PREX2: variants seen among roughly 807,000 people sequenced by gnomAD.
The protein encoded by PREX2 is phosphatidylinositol-3,4,5-trisphosphate dependent Rac exchange factor 2.
A neutral mutation model predicts 203.2 loss-of-function variants in PREX2; 107 were observed. The ratio of observed to expected loss-of-function variants is 0.53; its 90% CI spans 0.45 to 0.62. The LOEUF (loss-of-function observed/expected upper bound fraction) is 0.62. PREX2 is among the 20% of genes least tolerant of loss of function. The pLI is 0.00. For synonymous variants in PREX2, 672 were observed against 663.6 expected (o/e 1.01, Z -0.19); for missense variants, 1,777 against 1,955.9 (o/e 0.91, Z 1.72).
chr8:68,156,017 G>A (rs1294971014), intron 34 of PREX2, among the ~76,000 whole-genome samples: 5 of 151,904 alleles, frequency 3.3e-5, no homozygotes, highest in African/African-American at 1.2e-4. Flanking sequence ...AATATGCATG[G>A]GGAGTGAAAA....
At chr8:67,979,763 T>C (rs1448322734) in intron 1 of PREX2, among the ~76,000 whole-genome samples, 1 of 152,256 alleles carries the variant, frequency 6.6e-6, no homozygotes, top group African/African-American at 2.4e-5. Flanking sequence ...CTTCTTTAGT[T>C]ACTAGCATGC....
chr8:68,064,469 A>C (rs1808956057), intron 11 of PREX2, among the ~76,000 whole-genome samples: 1 of 152,036 alleles, frequency 6.6e-6, no homozygotes, highest in Non-Finnish European at 1.5e-5. Context: ...CCTGGGCTCA[A>C]GCGATCCTCC....
chr8:68,172,479 T>G (rs1811898478), intron 35 of PREX2, among the ~76,000 whole-genome samples: 1 of 152,208 alleles, frequency 6.6e-6, no homozygotes, highest in African/African-American at 2.4e-5. Flanking sequence ...TGATAAATAT[T>G]AAACAAAATT....
At chr8:68,141,649 C>A (rs187975946) in intron 33 of PREX2, among the ~76,000 whole-genome samples, 4 of 152,084 alleles carry the variant, frequency 2.6e-5, no homozygotes, top group Admixed American at 6.5e-5. Flanking sequence ...AAGACCCAAC[C>A]CTGCAGAAAG....
chr8:68,204,576 C>A (rs1017232617), intron 37 of PREX2, among the ~76,000 whole-genome samples: 1 of 152,016 alleles, frequency 6.6e-6, no homozygotes, highest in Non-Finnish European at 1.5e-5. Flanking sequence ...CAGATCTTAC[C>A]CAGCTGTTAC....
At chr8:68,102,527 G>A (rs1260136071) in intron 23 of PREX2, among the ~76,000 whole-genome samples, 2 of 152,196 alleles carry the variant, frequency 1.3e-5, no homozygotes, top group Non-Finnish European at 1.5e-5. Flanking sequence ...CTCCATTTAT[G>A]TATCAAATGC....
rs762698089 is a variant in PREX2 at position 68,108,335 on chromosome 8, T to C, written c.2938+4T>C. ...GAAAACAAATCTTCGGAGCAAGGTA[T>C]GCTAGCTTTTGCAACTTTATCAAAT... On this transcript the variant is annotated splice_donor_region_variant and intron_variant, in intron 24 of 39. Transcript: ENST00000288368. 44 of 1,603,476 alleles carry C rather than the reference T, an allele frequency of 2.7e-5. No individual in the cohort carries two copies. Among genetic ancestry groups the C allele is most frequent in the Non-Finnish European group, 3.6e-5 (42 of 1,171,976 alleles).
chr8:68,080,881 A>ATT (rs758741853), intron 17 of PREX2, 43 bp downstream of exon 17: 8 of 1,074,354 alleles, frequency 7.4e-6, no homozygotes, highest in Non-Finnish European at 9.9e-6. Flanking sequence ...TTATCATGAC[A>ATT]TAAAAATAGA....
chr8:68,012,846 C>T (rs920645435), intron 1 of PREX2, among the ~76,000 whole-genome samples: 3 of 152,178 alleles, frequency 2.0e-5, no homozygotes, highest in Non-Finnish European at 4.4e-5. Flanking sequence ...CCGGACAGTC[C>T]TTCACTACAA....
At chr8:68,197,652 G>C (rs542016458) in intron 37 of PREX2, among the ~76,000 whole-genome samples, 261 of 150,900 alleles carry the variant, frequency 1.7e-3, no homozygotes, top group Non-Finnish European at 2.7e-3. Context: ...ATTTGGACCA[G>C]AGCATATAGT....
At chr8:68,187,365 G>A (rs1185316338) in intron 35 of PREX2, among the ~76,000 whole-genome samples, 2 of 151,938 alleles carry the variant, frequency 1.3e-5, no homozygotes, top group African/African-American at 2.4e-5. Context: ...TTACCTCCAC[G>A]GAAAGCAGGA....
At chr8:68,123,128 G>A (rs935362690) in intron 30 of PREX2, among the ~76,000 whole-genome samples, 1 of 152,072 alleles carries the variant, frequency 6.6e-6, no homozygotes. Context: ...CTATTATTGT[G>A]TGGGAGTCTA....
chr8:67,954,538 G>A (rs1456612283), intron 1 of PREX2, among the ~76,000 whole-genome samples: 1 of 152,138 alleles, frequency 6.6e-6, no homozygotes, highest in East Asian at 1.9e-4. Context: ...CTTTGGCCTG[G>A]TAATTCCTCT....
rs1810487619 is a variant in PREX2 at position 68,109,402 on chromosome 8, C to CT, written c.2939-11dup. On this transcript the variant is annotated splice_polypyrimidine_tract_variant and intron_variant, in intron 24 of 39. Transcript: ENST00000288368. ...GGTGATACATATTACTAAGGAATGA[C>CT]TTTAATTCCTCAGGGAAACTGAGCC... 1 of 1,600,652 alleles carries CT rather than the reference C, an allele frequency of 6.2e-7. No individual in the cohort carries two copies. Among genetic ancestry groups the CT allele is most frequent in the Admixed American group, 1.7e-5 (1 of 58,886 alleles).
chr8:68,033,021 G>T (rs1807930876), intron 6 of PREX2, among the ~76,000 whole-genome samples: 1 of 152,108 alleles, frequency 6.6e-6, no homozygotes, highest in African/African-American at 2.4e-5. Context: ...CCGTGAATTT[G>T]CATTGTTTCT....
intron 1 of PREX2, among the ~76,000 whole-genome samples, chr8:67,962,663 G>A (rs1171623930): frequency 6.6e-6 from 1 of 151,302 alleles, no homozygotes; most frequent in Non-Finnish European, 1.5e-5. Flanking sequence ...CTAGAGTGCA[G>A]TGGCATGATC....
Position 68,233,487 on chromosome 8 carries a change from AGT to A in PREX2, c.*2114_*2115del, listed in dbSNP as rs1438857528. 3 of 152,212 alleles carry A rather than the reference AGT, an allele frequency of 2.0e-5. No homozygotes were observed. Among genetic ancestry groups the A allele is most frequent in the Non-Finnish European group, 4.4e-5 (3 of 68,046 alleles). 9.4% of individuals were successfully genotyped at this position (152,212 alleles called of 1,614,324 possible). On this transcript the variant is annotated 3_prime_UTR_variant, in exon 40 of 40. Transcript: ENST00000288368. ...CATATTATTTTTAGGGTTAAACATAAGTGTGTCGTCTATCATGCTTGGTACTT... is the reference window on the plus strand; with the variant it reads ...CATATTATTTTTAGGGTTAAACATAAGTGTCGTCTATCATGCTTGGTACTT...
intron 18 of PREX2, among the ~76,000 whole-genome samples, 171 bp downstream of exon 18, chr8:68,083,559 G>A (rs1217233330): frequency 6.6e-6 from 1 of 152,204 alleles, no homozygotes; most frequent in Non-Finnish European, 1.5e-5. Context: ...TACATCGCTT[G>A]TGATGCTGAC....
chr8:68,213,854 T>A, intron 37 of PREX2, among the ~76,000 whole-genome samples: 1 of 152,306 alleles, frequency 6.6e-6, no homozygotes, highest in Middle Eastern at 3.4e-3. Flanking sequence ...TAAGGACAAA[T>A]TTTCTTCATT....
Sources: gnomAD v4.1 joint callset for allele counts (sites outside exome capture counted in the v4.1 genomes callset) on GRCh38, gnomAD v4.1.1 for gene constraint, MANE v1.5 for transcripts, NCBI Gene and HGNC (gene_info 2026-07-23, HGNC 2026-07-21) for gene names.